Variants in SLC9C2 observed in about 807,000 individuals in gnomAD.
SLC9C2 encodes the protein solute carrier family 9 member C2 (putative), also known as sodium/hydrogen exchanger 11.
In SLC9C2, 75 loss-of-function variants were observed where a neutral mutation model predicts 140.2. The observed-to-expected ratio is 0.53, with a 90% confidence interval of 0.44 to 0.65. The LOEUF is 0.65. Among genes scored for constraint, SLC9C2 ranks in the 30% least tolerant of loss-of-function variants. The probability of loss-of-function intolerance (pLI) is 0.00; values close to 1 mark genes in which losing one functional copy is unlikely to be tolerated. For missense variants in SLC9C2, 1,074 were observed against 1,331.8 expected (o/e 0.81, Z 3.01); for synonymous variants, 375 against 420.9 (o/e 0.89, Z 1.34).
chr1:173,524,731 T>C lies in SLC9C2; in HGVS notation c.2514+48A>G, dbSNP rs200338281. The C allele has an allele frequency of 4.6e-5, 73 of 1,600,384 alleles. No homozygotes were observed. In the South Asian group the frequency reaches 5.9e-4, roughly 13 times the overall value. ...CCCTCCTTATTACACACTGCTAAAG[T>C]AACCATGAAGGCTGGGGTGTTATGC... On this transcript the variant is annotated intron_variant, in intron 20 of 27. Transcript: ENST00000367714.
intron 19 of SLC9C2, 104 bp downstream of exon 19, chr1:173,526,559 A>C (rs565505970): frequency 8.4e-5 from 89 of 1,056,200 alleles, no homozygotes; most frequent in Non-Finnish European, 1.2e-4. Context: ...TGTTGAATGC[A>C]TAAATGAATG....
At chr1:173,516,884 C>T (rs900032745) in intron 23 of SLC9C2, among the ~76,000 whole-genome samples, 15 of 152,172 alleles carry the variant, frequency 9.9e-5, no homozygotes, top group African/African-American at 3.4e-4. Context: ...TTTGAGGAAA[C>T]GTCACACTGT....
Position 173,600,149 on chromosome 1 carries a change from C to T in SLC9C2, c.196G>A (p.Val66Met), listed in dbSNP as rs770432941. ...VLTILSLSGF[V>M]IGHMAYNSVE... The stretch of plus-strand genomic sequence containing the variant: ...GAATTGTAGGCCATGTGTCCTATCA[C>T]GAATCCTGATAGAGAAAGAATCGTC... The change falls in exon 3 of 28, where the codon GTG (valine) becomes ATG (methionine). Residue 66 changes from valine (V) to methionine (M), a missense_variant. Transcript: ENST00000367714. 6 of 1,610,490 alleles carry T rather than the reference C, an allele frequency of 3.7e-6. No homozygotes were observed. In the South Asian group the frequency reaches 5.5e-5, roughly 15 times the overall value.
intron 8 of SLC9C2, among the ~76,000 whole-genome samples, chr1:173,573,928 G>A (rs1297703615): frequency 2.0e-5 from 3 of 152,334 alleles, no homozygotes; most frequent in East Asian, 3.9e-4. Context: ...TTCCTACGGT[G>A]CTGACTGTCT....
intron 10 of SLC9C2, among the ~76,000 whole-genome samples, chr1:173,555,890 C>T (rs147822856): frequency 6.6e-6 from 1 of 152,294 alleles, no homozygotes; most frequent in East Asian, 1.9e-4. Flanking sequence ...ATACAGAAGG[C>T]TACTACTCTC....
intron 6 of SLC9C2, among the ~76,000 whole-genome samples, chr1:173,582,328 C>T (rs1665595192): frequency 6.6e-6 from 1 of 152,192 alleles, no homozygotes; most frequent in African/African-American, 2.4e-5. Flanking sequence ...CAAAAAAAAT[C>T]TAAATTAAAA....
chr1:173,538,275 G>A (rs1221969978), intron 13 of SLC9C2, among the ~76,000 whole-genome samples: 1 of 152,194 alleles, frequency 6.6e-6, no homozygotes, highest in East Asian at 1.9e-4. Flanking sequence ...GATGTCCACT[G>A]TGAGAAAACT....
intron 4 of SLC9C2, among the ~76,000 whole-genome samples, chr1:173,588,934 TGAGCATG>T (rs2102242582): frequency 6.6e-6 from 1 of 152,050 alleles, no homozygotes; most frequent in African/African-American, 2.4e-5. Flanking sequence ...AAAAATTAGC[TGAGCATG>T]GTGGTGCACA....
chr1:173,568,563 C>T (rs560694125), intron 9 of SLC9C2, among the ~76,000 whole-genome samples: 21 of 152,272 alleles, frequency 1.4e-4, no homozygotes, highest in African/African-American at 5.1e-4. Context: ...CATGCCTTTG[C>T]TATTGTGAAT....
At chr1:173,530,457 C>T (rs910974586) in intron 17 of SLC9C2, among the ~76,000 whole-genome samples, 6 of 152,188 alleles carry the variant, frequency 3.9e-5, no homozygotes, top group Non-Finnish European at 7.3e-5. Flanking sequence ...CAAATCGTCT[C>T]TCTGTGCCTC....
At chr1:173,564,962 C>CT (rs200876836) in intron 9 of SLC9C2, among the ~76,000 whole-genome samples, 1 of 131,868 alleles carries the variant, frequency 7.6e-6, no homozygotes, top group South Asian at 2.6e-4. Context: ...TTCTTTTTTT[C>CT]TTTTTCTTTT....
At chr1:173,516,904 T>A (rs951596518) in intron 23 of SLC9C2, among the ~76,000 whole-genome samples, 2 of 152,248 alleles carry the variant, frequency 1.3e-5, no homozygotes, top group Admixed American at 6.5e-5. Context: ...TCTTCCACAA[T>A]GGTTGAATTA....
intron 23 of SLC9C2, among the ~76,000 whole-genome samples, chr1:173,511,545 T>C (rs1293417919): frequency 6.6e-6 from 1 of 152,186 alleles, no homozygotes; most frequent in Non-Finnish European, 1.5e-5. Context: ...CCTTGTAGAT[T>C]CCGGATATTA....
chr1:173,523,786 A>G (rs1468357491), intron 21 of SLC9C2, among the ~76,000 whole-genome samples, 183 bp downstream of exon 21: 2 of 152,232 alleles, frequency 1.3e-5, no homozygotes, highest in Non-Finnish European at 2.9e-5. Context: ...GTGAAAAACT[A>G]TCTTTGCCCT....
In SLC9C2 at chr1:173,600,117, C is replaced by T; in HGVS notation, c.228G>A (p.Glu76=). The change falls in exon 3 of 28, where the codon GAG becomes GAA. Residue 76 remains glutamate, a splice_region_variant and synonymous_variant. Transcript: ENST00000367714. ...VIGHMAYNSV[E]VHQIVYPLLR... is the part of the protein sequence containing the mutation. Reference sequence around the variant, plus strand: ...CTCTAATTTATTGTACATACAGTACCTCAACAGAATTGTAGGCCATGTGTC... The same window carrying T: ...CTCTAATTTATTGTACATACAGTACTTCAACAGAATTGTAGGCCATGTGTC... The T allele has an allele frequency of 6.3e-7, 1 of 1,589,268 alleles. No homozygotes were observed. Among genetic ancestry groups the T allele is most frequent in the Non-Finnish European group, 8.6e-7 (1 of 1,164,652 alleles).
intron 21 of SLC9C2, 100 bp downstream of exon 21, chr1:173,523,869 C>T (rs991620694): frequency 1.4e-6 from 2 of 1,464,766 alleles, no homozygotes; most frequent in African/African-American, 2.8e-5. Flanking sequence ...CTGAATTGGC[C>T]AGTATGTGAT....
At chr1:173,551,462 A>G (rs1460562452) in intron 11 of SLC9C2, among the ~76,000 whole-genome samples, 1 of 152,186 alleles carries the variant, frequency 6.6e-6, no homozygotes, top group Non-Finnish European at 1.5e-5. Context: ...TTACAAATTG[A>G]AGGTCTGCAG....
At chr1:173,548,678 A>C (rs1663041506) in intron 11 of SLC9C2, 126 bp from the exon 12 acceptor site, 1 of 989,622 alleles carries the variant, frequency 1.0e-6, no homozygotes, top group Non-Finnish European at 1.5e-6. Flanking sequence ...GGTTAGAGCA[A>C]GGACAATTTT....
chr1:173,524,708 C>T, intron 20 of SLC9C2, 71 bp downstream of exon 20: 1 of 1,524,298 alleles, frequency 6.6e-7, no homozygotes. Context: ...TTCAATCTCC[C>T]TCCTTATTAC....
Sources: allele counts gnomAD v4.1 joint callset (sites outside exome capture counted in the v4.1 genomes callset), GRCh38; gene constraint gnomAD v4.1.1; transcripts MANE v1.5; gene names NCBI Gene and HGNC (gene_info 2026-07-23, HGNC 2026-07-21).